The following CHTF8 variants were observed in gnomAD, a reference collection of about 807,000 sequenced individuals.
CHTF8 encodes the protein chromosome transmission fidelity factor 8.
CHTF8 carries 6 observed loss-of-function variants against 11.0 expected under a neutral mutation model. The ratio of observed to expected loss-of-function variants is 0.55; its 90% CI spans 0.30 to 1.08. CHTF8 has a LOEUF of 1.08. Ranked by LOEUF, CHTF8 falls within the 50% of genes least tolerant of loss-of-function variation. The pLI, the probability that CHTF8 is intolerant of heterozygous loss-of-function variation, is 0.07. For synonymous variants in CHTF8, 53 were observed against 60.5 expected (o/e 0.88, Z 0.57); for missense variants, 140 against 153.1 (o/e 0.91, Z 0.45).
In CHTF8 at chr16:69,118,658, G is replaced by C; in HGVS notation, c.*1767C>G. ...CTCAAGGGCAGGATTATTCCCACCT[G>C]CCACAGTTCACATGCCACAAATAAC... On this transcript the variant is annotated 3_prime_UTR_variant, in exon 4 of 4. Coordinates refer to ENST00000448552, the MANE Select transcript of CHTF8 (RefSeq NM_001039690.5). 1 of 692,300 alleles carries C rather than the reference G, an allele frequency of 1.4e-6. No homozygotes were observed. Among genetic ancestry groups the C allele is most frequent in the South Asian group, 1.5e-5 (1 of 66,396 alleles). 42.9% of individuals were successfully genotyped at this position (692,300 alleles called of 1,614,324 possible).
At chr16:69,122,730 C>A (rs1006949396) in intron 1 of CHTF8, among the ~76,000 whole-genome samples, 1 of 151,920 alleles carries the variant, frequency 6.6e-6, no homozygotes, top group Non-Finnish European at 1.5e-5. Flanking sequence ...TTAGTAGAGA[C>A]GAGGTTTCTT....
chr16:69,121,217 A>AT, intron 2 of CHTF8, 47 bp from the exon 3 acceptor site: 1 of 1,542,080 alleles, frequency 6.5e-7, no homozygotes. Flanking sequence ...GGGGTGAAGG[A>AT]TGAATAGTGT....
At position 69,132,493 on chromosome 16, in the gene CHTF8, C is replaced by T. The variant is rs1261515296; in HGVS notation, c.-45G>A. The T allele has an allele frequency of 3.8e-6, 1 of 265,482 alleles. No homozygotes were observed. Among genetic ancestry groups the T allele is most frequent in the Non-Finnish European group, 7.2e-6 (1 of 138,368 alleles). The allele number at this position is 265,482 out of a possible 1,614,324, so 16.4% of individuals were successfully genotyped here. ...CCGCCCGCGGCCTGACCTGCAATGG[C>T]GGCCGCCGAGCGCGGCGCCGCGCGG... On this transcript the variant is annotated 5_prime_UTR_variant, in exon 1 of 4. Coordinates refer to ENST00000448552, the MANE Select transcript of CHTF8 (RefSeq NM_001039690.5).
Position 69,118,154 on chromosome 16 carries a change from T to TAAAAA in CHTF8, c.*2270_*2271insTTTTT. ...CCCCACCCTAATTCCCATATTCCCATCCACATCAGTTTAAATTTTGAGGTT... is the reference window on the plus strand; with the variant it reads ...CCCCACCCTAATTCCCATATTCCCATAAAAACCACATCAGTTTAAATTTTGAGGTT... On this transcript the variant is annotated 3_prime_UTR_variant, in exon 4 of 4. Transcript: ENST00000448552. 3.2e-6 allele frequency: 1 copy of TAAAAA among 316,304 alleles called. No homozygotes were observed. Among genetic ancestry groups the TAAAAA allele is most frequent in the Non-Finnish European group, 6.1e-6 (1 of 163,834 alleles). The allele number at this position is 316,304 out of a possible 1,614,324, so 19.6% of individuals were successfully genotyped here.
At chr16:69,125,057 AC>A (rs1449014061) in intron 1 of CHTF8, among the ~76,000 whole-genome samples, 3 of 152,072 alleles carry the variant, frequency 2.0e-5, no homozygotes, top group Admixed American at 1.3e-4. Flanking sequence ...GGCATGTGCC[AC>A]CATGCCCGGC....
At chr16:69,126,320 G>A (rs1209448379) in intron 1 of CHTF8, among the ~76,000 whole-genome samples, 1 of 152,152 alleles carries the variant, frequency 6.6e-6, no homozygotes, top group African/African-American at 2.4e-5. Context: ...CCATTTCCTG[G>A]ACAGTCTCCT....
chr16:69,127,165 G>A (rs1460801988), intron 1 of CHTF8, among the ~76,000 whole-genome samples: 1 of 151,758 alleles, frequency 6.6e-6, no homozygotes, highest in African/African-American at 2.4e-5. Flanking sequence ...TTGAACCTGG[G>A]AGGCGGAGGC....
rs183034674 is a variant in CHTF8, at chr16:69,121,108, C to A, written c.86G>T (p.Arg29Leu). Residue 29 changes from arginine to leucine, a missense_variant, in exon 3 of 4, where the codon CGC becomes CTC. Coordinates refer to ENST00000448552, the MANE Select transcript of CHTF8 (RefSeq NM_001039690.5). ...LMELQGEIEA[R>L]YSTGLAGNLL... ...GTTTCCAGCTAATCCAGTGCTGTAG[C>A]GAGCCTCGATCTCCCCCTGTAGCTC... 2 of 1,613,796 alleles carry A rather than the reference C, an allele frequency of 1.2e-6. No homozygotes were observed. Among genetic ancestry groups the A allele is most frequent in the African/African-American group, 2.7e-5 (2 of 74,892 alleles).
intron 2 of CHTF8, 79 bp from the exon 3 acceptor site, chr16:69,121,249 C>CTTTGGGCCT: frequency 7.2e-7 from 1 of 1,388,728 alleles, no homozygotes; most frequent in Non-Finnish European, 1.0e-6. Context: ...CATTTGAGGC[C>CTTTGGGCCT]CAAAGGACCT....
intron 1 of CHTF8, among the ~76,000 whole-genome samples, chr16:69,122,701 C>A (rs1961769209): frequency 6.6e-6 from 1 of 152,108 alleles, no homozygotes; most frequent in African/African-American, 2.4e-5. Context: ...ACCACCATGC[C>A]TGGCTAATTT....
chr16:69,123,483 CCA>C (rs1417054486), intron 1 of CHTF8, among the ~76,000 whole-genome samples: 2 of 151,954 alleles, frequency 1.3e-5, no homozygotes, highest in African/African-American at 2.4e-5. Flanking sequence ...ACGGTGAAAC[CCA>C]GTCTCTACTA....
chr16:69,123,192 G>C (rs1961810974), intron 1 of CHTF8, among the ~76,000 whole-genome samples: 1 of 152,170 alleles, frequency 6.6e-6, no homozygotes, highest in Admixed American at 6.5e-5. Flanking sequence ...AAAGTGTTGG[G>C]ATTACAGATG....
intron 1 of CHTF8, among the ~76,000 whole-genome samples, chr16:69,123,385 C>T (rs1015860161): frequency 1.3e-5 from 2 of 152,246 alleles, no homozygotes; most frequent in South Asian, 2.1e-4. Flanking sequence ...GGGCCAGGCG[C>T]GGTGTCTCAG....
At chr16:69,128,931 G>A (rs1371623711) in intron 1 of CHTF8, among the ~76,000 whole-genome samples, 1 of 152,038 alleles carries the variant, frequency 6.6e-6, no homozygotes, top group East Asian at 1.9e-4. Flanking sequence ...AGGCATGGTG[G>A]CGCTCACCTG....
Position 69,121,508 on chromosome 16 carries a change from A to T in CHTF8, c.-35-15T>A. 6.6e-7 allele frequency: 1 copy of T among 1,519,946 alleles called. No homozygotes were observed. Among genetic ancestry groups the T allele is most frequent in the Non-Finnish European group, 9.0e-7 (1 of 1,112,730 alleles). The allele number at this position is 1,519,946 out of a possible 1,614,324, so 94.2% of individuals were successfully genotyped here. A position where few individuals can be genotyped will look rare whatever the true frequency, so the allele number is the denominator to read the frequency against. ...GTGAAAACAAGCTGTAGAGAGAAAAAAAGAGATTTAGGGTAATAACAACAA... is the reference window on the plus strand; with the variant it reads ...GTGAAAACAAGCTGTAGAGAGAAAATAAGAGATTTAGGGTAATAACAACAA... On this transcript the variant is annotated splice_polypyrimidine_tract_variant and intron_variant, in intron 1 of 3. Coordinates refer to ENST00000448552, the MANE Select transcript of CHTF8 (RefSeq NM_001039690.5).
At chr16:69,128,809 T>C (rs938839368) in intron 1 of CHTF8, among the ~76,000 whole-genome samples, 4 of 152,220 alleles carry the variant, frequency 2.6e-5, no homozygotes, top group African/African-American at 7.2e-5. Context: ...CTCACGTCTA[T>C]AATCCCAGCA....
At position 69,120,191 on chromosome 16, in the gene CHTF8, C is replaced by T. The variant is rs1961528724; in HGVS notation, c.*234G>A. 2.8e-6 allele frequency: 2 copies of T among 701,952 alleles called. No homozygotes were observed. The highest frequency in any genetic ancestry group is 2.0e-5 in the Admixed American group (1 of 50,002). 43.5% of individuals were successfully genotyped at this position (701,952 alleles called of 1,614,324 possible). Reference sequence around the variant, plus strand: ...GCCGGGAAAGGTGCTGGATTTGAAGCCAATGAGCCTGATGAAGCTGGAAAA... The same window carrying T: ...GCCGGGAAAGGTGCTGGATTTGAAGTCAATGAGCCTGATGAAGCTGGAAAA... On this transcript the variant is annotated 3_prime_UTR_variant, in exon 4 of 4. Coordinates refer to ENST00000448552, the MANE Select transcript of CHTF8 (RefSeq NM_001039690.5). The surrounding 1 kb of genome is among the most constrained non-coding windows in gnomAD (Gnocchi z 4.0).
Position 69,120,910 on chromosome 16 carries a change from G to A in CHTF8, c.141+143C>T. On this transcript the variant is annotated intron_variant, in intron 3 of 3. Transcript: ENST00000448552. This position sits in a 1 kb window ranked among gnomAD's most constrained non-coding sequence, Gnocchi z 4.0. ...ATTTCCCTGCTACTGCAGAGGTAGGGGGAGAACAAGCAGAGAGCATCGCAG... is the reference window on the plus strand; with the variant it reads ...ATTTCCCTGCTACTGCAGAGGTAGGAGGAGAACAAGCAGAGAGCATCGCAG... 2 of 815,924 alleles carry A rather than the reference G, an allele frequency of 2.5e-6. No homozygotes were observed. The highest frequency in any genetic ancestry group is 4.4e-6 in the Non-Finnish European group (2 of 457,164). 50.5% of individuals were successfully genotyped at this position (815,924 alleles called of 1,614,324 possible).
intron 1 of CHTF8, among the ~76,000 whole-genome samples, chr16:69,129,472 C>G (rs1234545882): frequency 6.7e-6 from 1 of 150,114 alleles, no homozygotes; most frequent in Admixed American, 6.7e-5. Flanking sequence ...AAAGTCCAGG[C>G]AGAACATTAT....
Sources: gnomAD v4.1 joint callset for allele counts (sites outside exome capture counted in the v4.1 genomes callset) on GRCh38, gnomAD v4.1.1 for gene constraint, Gnocchi (gnomAD v3.1) non-coding constraint, MANE v1.5 for transcripts, NCBI Gene and HGNC (gene_info 2026-07-23, HGNC 2026-07-21) for gene names.